Variants in ZNF658 observed in about 807,000 individuals in gnomAD.
ZNF658 encodes the protein zinc finger protein 658.
Under a neutral mutation model 78.0 loss-of-function variants are expected in ZNF658, and 46 were observed. The ratio of observed to expected loss-of-function variants is 0.59; its 90% CI spans 0.47 to 0.75. ZNF658 has a LOEUF of 0.75. Ranked by LOEUF, ZNF658 falls within the 30% of genes least tolerant of loss-of-function variation. The pLI, the probability that ZNF658 is intolerant of heterozygous loss-of-function variation, is 0.00. For missense variants in ZNF658, 785 were observed against 1,189.3 expected (o/e 0.66, Z 5.00); for synonymous variants, 279 against 408.4 (o/e 0.68, Z 3.82).
intron 2 of ZNF658, among the ~76,000 whole-genome samples, chr9:66,907,595 A>G (rs1251352521): frequency 2.6e-5 from 4 of 152,034 alleles, no homozygotes; most frequent in Non-Finnish European, 1.5e-5. Context: ...ATAAGTGACT[A>G]TAATTTGAAA....
intron 4 of ZNF658, among the ~76,000 whole-genome samples, chr9:66,909,969 G>C (rs376072246): frequency 6.6e-6 from 1 of 152,188 alleles, no homozygotes; most frequent in African/African-American, 2.4e-5. Flanking sequence ...CTTTCTTGCT[G>C]TGTGTTCATG....
At chr9:66,925,531 G>T (rs1822577593), downstream of ZNF658, among the ~76,000 whole-genome samples, 1 of 151,858 alleles carries the variant, frequency 6.6e-6, no homozygotes, top group South Asian at 2.1e-4. Context: ...TACCAAGAGT[G>T]CATCATGAAA....
At chr9:66,910,478 C>T (rs1037708017) in intron 4 of ZNF658, among the ~76,000 whole-genome samples, 2 of 151,152 alleles carry the variant, frequency 1.3e-5, no homozygotes, top group African/African-American at 4.9e-5. Flanking sequence ...AAAAGGATAT[C>T]CCTAAATAAG....
At chr9:66,923,066 T>G (rs1467164977), downstream of ZNF658, among the ~76,000 whole-genome samples, 2 of 150,198 alleles carry the variant, frequency 1.3e-5, no homozygotes, top group East Asian at 4.0e-4. Flanking sequence ...ATAGGCCATC[T>G]GCAAGCTGAG....
intron 6 of ZNF658, among the ~76,000 whole-genome samples, chr9:66,927,401 G>A (rs995876650): frequency 7.2e-5 from 11 of 152,002 alleles, no homozygotes; most frequent in African/African-American, 1.2e-4. Context: ...CATTGTTTGT[G>A]GGAATACACG....
At chr9:66,905,861 T>C (rs1367162129) in intron 2 of ZNF658, among the ~76,000 whole-genome samples, 3 of 144,996 alleles carry the variant, frequency 2.1e-5, no homozygotes, top group Non-Finnish European at 4.5e-5. Flanking sequence ...TCATCGTCTG[T>C]TTAAGTCCAA....
At chr9:66,930,286 CTCT>C (rs1822628040) in intron 6 of ZNF658, among the ~76,000 whole-genome samples, 1 of 141,262 alleles carries the variant, frequency 7.1e-6, no homozygotes, top group Non-Finnish European at 1.5e-5. Flanking sequence ...TTACAGAGAT[CTCT>C]TTTTTCCAAC....
chr9:66,901,913 G>A (rs568672555), intron 1 of ZNF658, among the ~76,000 whole-genome samples: 5 of 152,142 alleles, frequency 3.3e-5, no homozygotes, highest in Non-Finnish European at 7.4e-5. Context: ...CTGCACTCCA[G>A]CCTGAGTGAC....
chr9:66,920,388 A>G lies in ZNF658; in HGVS notation c.2822A>G (p.Asn941Ser). The G allele has an allele frequency of 6.2e-7, 1 of 1,612,834 alleles. No homozygotes were observed. The highest frequency in any genetic ancestry group is 1.7e-4 in the Middle Eastern group (1 of 5,746). Residue 941 changes from asparagine (N) to serine (S), a missense_variant, in exon 5 of 5, where the codon AAT becomes AGT. This residue lies in a region of ZNF658 where 85 missense variants were observed against 108.6 expected (regional missense o/e 0.78). Coordinates refer to ENST00000621410, the MANE Select transcript of ZNF658 (RefSeq NM_033160.7). Reference protein sequence around the residue: ...VHTGEKPYECNVCGKPFAHNS... With the variant: ...VHTGEKPYECSVCGKPFAHNS... ...ACGGGGGAGAAACCCTACGAATGTA[A>G]TGTATGTGGGAAGCCATTTGCCCAT... is the stretch of plus-strand genomic sequence containing the variant.
At chr9:66,926,494 T>C (rs1170442954) in intron 6 of ZNF658, among the ~76,000 whole-genome samples, 3 of 150,240 alleles carry the variant, frequency 2.0e-5, no homozygotes, top group Admixed American at 1.3e-4. Flanking sequence ...AATAATCAAA[T>C]ACTTAGGAAT....
intron 2 of ZNF658, among the ~76,000 whole-genome samples, chr9:66,905,316 T>C: frequency 6.7e-6 from 1 of 149,618 alleles, no homozygotes; most frequent in Middle Eastern, 3.4e-3. Flanking sequence ...CCTCAAGTGA[T>C]CTGCCTACCT....
Position 66,902,290 on chromosome 9 carries a change from C to T in ZNF658, c.-44-1228C>T, listed in dbSNP as rs28377782. 2.3e-5 allele frequency among the ~76,000 whole-genome samples: 3 copies of T among 130,732 alleles called. No individual in the cohort carries two copies. The Admixed American group carries it at 2.5e-4, about 11-fold the overall frequency. 85.8% of individuals were successfully genotyped at this position (130,732 alleles called of 152,430 possible). ...GCCATAGAAGAACAGCCCATATGAC[C>T]GAGACCTCTTCTAGAGCGTCAGAGC... On this transcript the variant is annotated intron_variant, in intron 1 of 4. Coordinates refer to ENST00000621410, the MANE Select transcript of ZNF658 (RefSeq NM_033160.7).
Position 66,918,075 on chromosome 9 carries a change from G to A in ZNF658, c.509G>A (p.Cys170Tyr). 1.3e-6 allele frequency: 2 copies of A among 1,596,036 alleles called. No individual in the cohort carries two copies. The highest frequency in any genetic ancestry group is 2.3e-4 in the Middle Eastern group (1 of 4,356). ...AAGAAGACTGAATACATGAATGTGT[G>A]TGAGAAACTGCAGCTTGATATTAAG... ...SRKKTEYMNV[C>Y]EKLQLDIKHE... Residue 170 changes from cysteine (C) to tyrosine (Y), a missense_variant, in exon 5 of 5, where the codon TGT becomes TAT. Coordinates refer to ENST00000621410, the MANE Select transcript of ZNF658 (RefSeq NM_033160.7).
intron 4 of ZNF658, among the ~76,000 whole-genome samples, chr9:66,914,765 G>T (rs1822294309): frequency 6.6e-6 from 1 of 151,920 alleles, no homozygotes; most frequent in Admixed American, 6.6e-5. Context: ...TGGCATTTTT[G>T]AGGTAAATTT....
rs1302193054 is a variant in ZNF658 at position 66,920,400 on chromosome 9, A to G, written c.2834A>G (p.Lys945Arg). The G allele has an allele frequency of 2.5e-6, 4 of 1,612,322 alleles. No individual in the cohort carries two copies. In the East Asian group the frequency reaches 8.9e-5, roughly 36 times the overall value. ...CCCTACGAATGTAATGTATGTGGGA[A>G]GCCATTTGCCCATAATTCAACCCTC... ...EKPYECNVCGKPFAHNSTLRV... is the reference protein window; with the variant it reads ...EKPYECNVCGRPFAHNSTLRV... Residue 945 changes from lysine to arginine, a missense_variant, in exon 5 of 5, where the codon AAG becomes AGG. Physicochemically the swap from Lys to Arg is conservative, Grantham distance 26. This residue lies in a region of ZNF658 where 85 missense variants were observed against 108.6 expected (regional missense o/e 0.78). Coordinates refer to ENST00000621410, the MANE Select transcript of ZNF658 (RefSeq NM_033160.7).
At position 66,910,745 on chromosome 9, in the gene ZNF658, G is replaced by A. The variant is rs557798774; in HGVS notation, c.238+2011G>A. 3.0e-3 allele frequency among the ~76,000 whole-genome samples: 449 copies of A among 149,632 alleles called. 5 individuals carry two copies. Among genetic ancestry groups the A allele is most frequent in the African/African-American group, 0.011 (430 of 40,464 alleles). On this transcript the variant is annotated intron_variant, in intron 4 of 4. Transcript: ENST00000621410. ...CAGGAGGCAGAGCTTGCAGTGAGCC[G>A]AGATAGCACCACTGCACTCCGGCCT...
intron 4 of ZNF658, among the ~76,000 whole-genome samples, chr9:66,912,641 A>ATTTGTTTGCTAAAAAT (rs1282226324): frequency 6.7e-6 from 1 of 149,514 alleles, no homozygotes; most frequent in African/African-American, 2.5e-5. Flanking sequence ...TAATTAAAAT[A>ATTTGTTTGCTAAAAAT]TTTGTTTGCT....
At chr9:66,905,257 G>T (rs1822053777) in intron 2 of ZNF658, among the ~76,000 whole-genome samples, 1 of 150,072 alleles carries the variant, frequency 6.7e-6, no homozygotes, top group Non-Finnish European at 1.5e-5. Context: ...AGTATTTTTA[G>T]TAGAGATGGG....
intron 4 of ZNF658, among the ~76,000 whole-genome samples, chr9:66,915,024 A>G (rs1822301141): frequency 6.6e-6 from 1 of 151,552 alleles, no homozygotes; most frequent in East Asian, 1.9e-4. Context: ...AGTTAAAACT[A>G]TTTGGTCCAG....
Sources: allele counts gnomAD v4.1 joint callset (sites outside exome capture counted in the v4.1 genomes callset), GRCh38; gene constraint gnomAD v4.1.1; regional missense constraint gnomAD v4.1.1; transcripts MANE v1.5; gene names NCBI Gene and HGNC (gene_info 2026-07-23, HGNC 2026-07-21).